The following EDIL3 variants were observed in gnomAD, a reference collection of about 807,000 sequenced individuals.
EDIL3 encodes EGF-like repeat and discoidin I-like domain-containing protein 3.
EDIL3 carries 37 observed loss-of-function variants against 67.4 expected under a neutral mutation model. The ratio of observed to expected loss-of-function variants is 0.55; its 90% CI spans 0.42 to 0.72. The LOEUF is 0.72. EDIL3 is among the 30% of genes least tolerant of loss of function. The probability of loss-of-function intolerance (pLI) is 0.00; values close to 1 mark genes in which losing one functional copy is unlikely to be tolerated. For missense variants in EDIL3, 527 were observed against 586.3 expected, an observed-to-expected ratio of 0.90 and a Z score of 1.04; for synonymous variants, 195 against 196.3, an observed-to-expected ratio of 0.99 and a Z score of 0.05.
At chr5:83,963,169 A>G in intron 10 of EDIL3, 36 bp downstream of exon 10, 1 of 1,560,942 alleles carries the variant, frequency 6.4e-7, no homozygotes, top group Non-Finnish European at 8.7e-7. Flanking sequence ...TTGATCCTCC[A>G]CTTCTGAACT....
chr5:84,154,070 A>G (rs1350556616), intron 4 of EDIL3, among the ~76,000 whole-genome samples: 2 of 152,160 alleles, frequency 1.3e-5, no homozygotes, highest in African/African-American at 4.8e-5. Flanking sequence ...TGAGGGTACA[A>G]CAGCTATCTT....
chr5:84,123,210 A>G (rs138251518), intron 5 of EDIL3, among the ~76,000 whole-genome samples: 1 of 152,126 alleles, frequency 6.6e-6, no homozygotes, highest in African/African-American at 2.4e-5. Flanking sequence ...ACATGAAACC[A>G]GCATCTGGGC....
At chr5:84,340,154 A>G (rs533434453) in intron 1 of EDIL3, among the ~76,000 whole-genome samples, 1 of 151,982 alleles carries the variant, frequency 6.6e-6, no homozygotes, top group East Asian at 1.9e-4. Context: ...AAGAACATCT[A>G]CTTCCAATTC....
intron 3 of EDIL3, among the ~76,000 whole-genome samples, chr5:84,212,834 G>A (rs1056828339): frequency 6.6e-6 from 1 of 152,038 alleles, no homozygotes; most frequent in Non-Finnish European, 1.5e-5. Context: ...TTTCATGGAG[G>A]GAAAGGAAAG....
At chr5:84,363,035 G>A (rs1161599786) in intron 1 of EDIL3, among the ~76,000 whole-genome samples, 1 of 152,002 alleles carries the variant, frequency 6.6e-6, no homozygotes, top group Admixed American at 6.6e-5. Context: ...ATTACTAACT[G>A]AAGAGGTAAT....
intron 3 of EDIL3, among the ~76,000 whole-genome samples, chr5:84,205,985 G>A (rs1743969609): frequency 6.6e-6 from 1 of 151,902 alleles, no homozygotes; most frequent in Non-Finnish European, 1.5e-5. Context: ...TGCTTTTCTA[G>A]CTCTTGTAAT....
At chr5:84,017,078 C>T (rs551376179) in intron 9 of EDIL3, among the ~76,000 whole-genome samples, 8 of 152,300 alleles carry the variant, frequency 5.3e-5, no homozygotes, top group Middle Eastern at 3.4e-3. Context: ...ATCTGTCCTA[C>T]AAGTTTTATA....
At chr5:84,042,396 C>T (rs1296190175) in intron 9 of EDIL3, among the ~76,000 whole-genome samples, 1 of 151,994 alleles carries the variant, frequency 6.6e-6, no homozygotes, top group African/African-American at 2.4e-5. Context: ...ATTCTCCTGC[C>T]TCAGCCCCCC....
intron 1 of EDIL3, among the ~76,000 whole-genome samples, chr5:84,260,294 G>A (rs1195282869): frequency 1.3e-5 from 2 of 152,202 alleles, no homozygotes; most frequent in African/African-American, 4.8e-5. Flanking sequence ...ACTAGAATCA[G>A]TGGTGTTAAA....
intron 1 of EDIL3, among the ~76,000 whole-genome samples, chr5:84,281,855 CTTTTT>C (rs10708663): frequency 2.3e-4 from 17 of 72,586 alleles, no homozygotes; most frequent in African/African-American, 6.5e-4. Flanking sequence ...TTTTATTTCA[CTTTTT>C]TTTTTTTTTT....
intron 9 of EDIL3, among the ~76,000 whole-genome samples, chr5:84,038,779 C>G (rs998704527): frequency 6.6e-6 from 1 of 152,166 alleles, no homozygotes. Flanking sequence ...ACAAAGTGTC[C>G]TGTTTTCTTA....
chr5:84,270,808 CAGAA>C (rs1241046075), intron 1 of EDIL3, among the ~76,000 whole-genome samples: 2 of 152,086 alleles, frequency 1.3e-5, no homozygotes. Context: ...TAGAGCCTGA[CAGAA>C]AGAGTGAAGT....
rs183697753 is a variant in EDIL3 at position 84,203,811 on chromosome 5, T to C, written c.227-23290A>G. Among the ~76,000 whole-genome samples the C allele has an allele frequency of 1.2e-4, 19 of 152,302 alleles. No individual in the cohort carries two copies. In the East Asian group the frequency reaches 3.5e-3, roughly 28 times the overall value. On this transcript the variant is annotated intron_variant, in intron 3 of 10. Coordinates refer to ENST00000296591, the MANE Select transcript of EDIL3 (RefSeq NM_005711.5). ...TCTAAGGAAAAATTACTATATTACT[T>C]AAGAGAAAACATTTGCACTTTTTCT...
chr5:84,110,980 G>T (rs1460621748), intron 5 of EDIL3, among the ~76,000 whole-genome samples: 2 of 152,100 alleles, frequency 1.3e-5, no homozygotes, highest in Non-Finnish European at 2.9e-5. Context: ...TAGTCTTGGG[G>T]GAGGGACCTG....
At chr5:84,357,298 A>T (rs1747507044) in intron 1 of EDIL3, among the ~76,000 whole-genome samples, 1 of 152,060 alleles carries the variant, frequency 6.6e-6, no homozygotes, top group African/African-American at 2.4e-5. Context: ...TAATTTGTAT[A>T]CCATTGTACT....
intron 3 of EDIL3, among the ~76,000 whole-genome samples, chr5:84,194,537 T>G (rs1054278286): frequency 3.3e-5 from 5 of 151,918 alleles, no homozygotes; most frequent in Non-Finnish European, 5.9e-5. Flanking sequence ...CTCAAATATT[T>G]GAGAAGTCTG....
At chr5:84,030,223 A>T (rs1462739446) in intron 9 of EDIL3, among the ~76,000 whole-genome samples, 1 of 152,224 alleles carries the variant, frequency 6.6e-6, no homozygotes, top group Non-Finnish European at 1.5e-5. Flanking sequence ...GTGCACTTTT[A>T]GTTCAGAAGT....
chr5:84,230,117 C>G (rs1200743783), intron 2 of EDIL3, among the ~76,000 whole-genome samples: 1 of 151,952 alleles, frequency 6.6e-6, no homozygotes, highest in East Asian at 1.9e-4. Context: ...ATATGTGCTC[C>G]TATACTTTAA....
At chr5:84,043,396 C>T (rs1320580082) in intron 9 of EDIL3, among the ~76,000 whole-genome samples, 3 of 152,104 alleles carry the variant, frequency 2.0e-5, no homozygotes, top group African/African-American at 7.2e-5. Context: ...TTGGTTTACA[C>T]AGATATGAAC....
Sources: gnomAD v4.1 joint callset for allele counts (sites outside exome capture counted in the v4.1 genomes callset) on GRCh38, gnomAD v4.1.1 for gene constraint, MANE v1.5 for transcripts, NCBI Gene and HGNC (gene_info 2026-07-23, HGNC 2026-07-21) for gene names.